Variants in RARS1 observed in about 807,000 individuals in gnomAD.
RARS1 encodes arginine--tRNA ligase, cytoplasmic.
Under a neutral mutation model 78.7 loss-of-function variants are expected in RARS1, and 75 were observed. The ratio of observed to expected loss-of-function variants is 0.95; its 90% CI spans 0.79 to 1.15. RARS1 has a LOEUF of 1.15. Ranked by LOEUF, RARS1 falls within the 50% of genes most tolerant of loss-of-function variation. The probability of loss-of-function intolerance (pLI) is 0.00; values close to 1 mark genes in which losing one functional copy is unlikely to be tolerated. For missense variants in RARS1, 787 were observed against 787.5 expected (o/e 1.00, Z 0.01); for synonymous variants, 273 against 268.2 (o/e 1.02, Z -0.18).
At chr5:168,491,328 G>A (rs1172510078) in intron 2 of RARS1, among the ~76,000 whole-genome samples, 2 of 152,128 alleles carry the variant, frequency 1.3e-5, no homozygotes, top group Non-Finnish European at 2.9e-5. Context: ...CTGCACTTTA[G>A]CCTCAGCAGA....
At position 168,506,920 on chromosome 5, in the gene RARS1, CCA is replaced by C. The variant is rs1190339569; in HGVS notation, c.1346+92_1346+93del. On this transcript the variant is annotated intron_variant, in intron 11 of 14. Coordinates refer to ENST00000231572, the MANE Select transcript of RARS1 (RefSeq NM_002887.4). The stretch of plus-strand genomic sequence containing the variant: ...GATACCATATTAGAATTAAGAAAGT[CCA>C]CAGTTTCCTTTAGTCCACATAAGCT... The C allele has an allele frequency of 2.7e-5, 29 of 1,070,536 alleles. No homozygotes were observed. In the East Asian group the frequency reaches 6.9e-4, roughly 26 times the overall value. 66.3% of individuals were successfully genotyped at this position (1,070,536 alleles called of 1,614,324 possible).
At position 168,519,089 on chromosome 5, in the gene RARS1, T is replaced by C. The variant is rs1413276209; in HGVS notation, c.1882T>C (p.Leu628=). The C allele has an allele frequency of 1.9e-6, 3 of 1,606,536 alleles. No individual in the cohort carries two copies. The highest frequency in any genetic ancestry group is 4.5e-5 in the East Asian group (2 of 44,782). ...TTTTTCTATCTTTTCAGGAAAAATA[T>C]TGAAGGTGAACATGTGGCGTATGCT... ...VEKDRQTGKI[L]KVNMWRMLLC... is the part of the protein sequence containing the mutation. The change falls in exon 15 of 15, where the codon TTG becomes CTG. Residue 628 remains leucine (L), a synonymous_variant. Coordinates refer to ENST00000231572, the MANE Select transcript of RARS1 (RefSeq NM_002887.4).
At chr5:168,494,994 G>A (rs1299942294) in intron 5 of RARS1, 5 of 332,616 alleles carry the variant, frequency 1.5e-5, no homozygotes, top group African/African-American at 1.1e-4. Context: ...GGTCTAGCAT[G>A]TTGTGTGATT....
chr5:168,488,755 A>C lies in RARS1; in HGVS notation c.180+19A>C. 1 of 1,576,490 alleles carries C rather than the reference A, an allele frequency of 6.3e-7. No homozygotes were observed. The highest frequency in any genetic ancestry group is 8.6e-7 in the Non-Finnish European group (1 of 1,164,844). Reference sequence around the variant, plus strand: ...TCGAAAGGTGAGTACTTTGGGTTCCAGTTTTATTCTCCAGTTTGAATCATT... The same window carrying C: ...TCGAAAGGTGAGTACTTTGGGTTCCCGTTTTATTCTCCAGTTTGAATCATT... On this transcript the variant is annotated intron_variant, in intron 2 of 14. Coordinates refer to ENST00000231572, the MANE Select transcript of RARS1 (RefSeq NM_002887.4).
chr5:168,516,699 C>T, intron 12 of RARS1, 79 bp from the exon 13 acceptor site: 3 of 1,388,052 alleles, frequency 2.2e-6, no homozygotes, highest in South Asian at 2.5e-5. Flanking sequence ...TGTTCCCTAC[C>T]CCAGTCTTAT....
chr5:168,491,659 A>G (rs1302718432), intron 2 of RARS1, among the ~76,000 whole-genome samples: 1 of 152,214 alleles, frequency 6.6e-6, no homozygotes, highest in Non-Finnish European at 1.5e-5. Context: ...TTGACAAGTG[A>G]CTTATCTGTA....
At chr5:168,493,816 C>T (rs1454550502) in intron 3 of RARS1, 78 bp from the exon 4 acceptor site, 47 of 1,104,994 alleles carry the variant, frequency 4.3e-5, no homozygotes, top group South Asian at 5.5e-5. Context: ...AAATGCATCT[C>T]GTGCCTTGTC....
At chr5:168,497,669 T>C (rs1407589274) in intron 7 of RARS1, among the ~76,000 whole-genome samples, 1 of 151,674 alleles carries the variant, frequency 6.6e-6, no homozygotes, top group African/African-American at 2.4e-5. Flanking sequence ...GACTAATTGA[T>C]AAACATATAA....
intron 7 of RARS1, among the ~76,000 whole-genome samples, chr5:168,499,672 T>C (rs1758275872): frequency 1.3e-5 from 2 of 152,086 alleles, no homozygotes; most frequent in African/African-American, 4.8e-5. Context: ...AAGAAATTGT[T>C]TGTATAAATA....
At chr5:168,497,468 C>A in intron 7 of RARS1, 120 bp downstream of exon 7, 2 of 784,122 alleles carry the variant, frequency 2.6e-6, no homozygotes, top group Non-Finnish European at 1.9e-6. Context: ...AAGTTGCTAA[C>A]AGCCTTAGTA....
At chr5:168,518,257 G>T (rs928961306) in intron 14 of RARS1, among the ~76,000 whole-genome samples, 195 bp downstream of exon 14, 2 of 151,268 alleles carry the variant, frequency 1.3e-5, no homozygotes, top group Non-Finnish European at 2.9e-5. Context: ...AGCTCCAAGT[G>T]TCTCATTTAG....
At chr5:168,504,521 CAA>C (rs60401511) in intron 9 of RARS1, among the ~76,000 whole-genome samples, 28 of 101,162 alleles carry the variant, frequency 2.8e-4, no homozygotes, top group Admixed American at 2.4e-4. Flanking sequence ...GATTCTGTCT[CAA>C]AAAAAAAAAA....
chr5:168,510,257 C>G (rs1228793957), intron 11 of RARS1, among the ~76,000 whole-genome samples: 1 of 152,208 alleles, frequency 6.6e-6, no homozygotes, highest in East Asian at 1.9e-4. Context: ...TCTTCTTTCT[C>G]TGTTAGGAAA....
chr5:168,495,924 G>A (rs955613549), intron 6 of RARS1, among the ~76,000 whole-genome samples: 2 of 152,230 alleles, frequency 1.3e-5, no homozygotes, highest in East Asian at 1.9e-4. Flanking sequence ...CAAGGTGGGA[G>A]GATCACTAGA....
intron 9 of RARS1, among the ~76,000 whole-genome samples, chr5:168,503,054 G>C (rs1213074114): frequency 6.6e-6 from 1 of 152,162 alleles, no homozygotes; most frequent in African/African-American, 2.4e-5. Context: ...ATTAGATTCT[G>C]ATTTATGTTT....
At chr5:168,508,760 T>C (rs1300417908) in intron 11 of RARS1, among the ~76,000 whole-genome samples, 1 of 152,214 alleles carries the variant, frequency 6.6e-6, no homozygotes, top group Non-Finnish European at 1.5e-5. Context: ...TTTTTTTTAA[T>C]TTCATCATCT....
intron 9 of RARS1, among the ~76,000 whole-genome samples, chr5:168,502,898 T>C (rs1418400523): frequency 6.6e-6 from 1 of 152,196 alleles, no homozygotes; most frequent in African/African-American, 2.4e-5. Context: ...TTGTTTGATA[T>C]GTATCTTAAG....
intron 12 of RARS1, among the ~76,000 whole-genome samples, chr5:168,514,590 A>G (rs932335829): frequency 1.3e-5 from 2 of 152,244 alleles, no homozygotes; most frequent in Non-Finnish European, 2.9e-5. Flanking sequence ...GCAAGATAGT[A>G]CAAAGAATTT....
chr5:168,495,257 CT>C, intron 5 of RARS1, 57 bp from the exon 6 acceptor site: 2 of 1,553,086 alleles, frequency 1.3e-6, no homozygotes. Flanking sequence ...TTAAAAAAAT[CT>C]TTCTCTCTTT....
Sources: allele counts gnomAD v4.1 joint callset (sites outside exome capture counted in the v4.1 genomes callset), GRCh38; gene constraint gnomAD v4.1.1; transcripts MANE v1.5; gene names NCBI Gene and HGNC (gene_info 2026-07-23, HGNC 2026-07-21).